Variants in GFI1 observed in about 807,000 individuals in gnomAD.
The protein encoded by GFI1 is growth factor independent 1 transcriptional repressor.
A neutral mutation model predicts 39.2 loss-of-function variants in GFI1; 15 were observed. The observed-to-expected ratio is 0.38, with a 90% CI of 0.26 to 0.59. GFI1 has a LOEUF of 0.59. Ranked by LOEUF, GFI1 falls within the 20% of genes least tolerant of loss-of-function variation. GFI1 has a pLI of 0.62. For missense variants in GFI1, 475 were observed against 574.0 expected, an observed-to-expected ratio of 0.83 and a Z score of 1.76; for synonymous variants, 239 against 254.3, an observed-to-expected ratio of 0.94 and a Z score of 0.57.
In GFI1 at chr1:92,482,807, C is replaced by G. The variant is rs778381648; in HGVS notation, c.298+57G>C. 1.1e-5 allele frequency: 15 copies of G among 1,397,268 alleles called. No homozygotes were observed. The Admixed American group carries it at 1.9e-4, about 17-fold the overall frequency. The allele number at this position is 1,397,268 out of a possible 1,614,324, so 86.6% of individuals were successfully genotyped here. A position where few individuals can be genotyped will look rare whatever the true frequency, so the allele number is the denominator to read the frequency against. On this transcript the variant is annotated intron_variant, in intron 3 of 6. Coordinates refer to ENST00000294702, the MANE Select transcript of GFI1 (RefSeq NM_005263.5). This position sits in a 1 kb window ranked among gnomAD's most constrained non-coding sequence, Gnocchi z 4.4. The stretch of plus-strand genomic sequence containing the variant: ...ACGCCCAAGGTCGCGCCAATTCCCC[C>G]CCAGCACTGCCGGGTCCCTGCAGCT...
Position 92,473,701 on chromosome 1 carries a change from T to C in GFI1, c.*2328A>G, listed in dbSNP as rs1164232906. On this transcript the variant is annotated 3_prime_UTR_variant, in exon 7 of 7. Transcript: ENST00000294702. The stretch of plus-strand genomic sequence containing the variant: ...AGAAAGTCGTGTGGATTCTATTTGT[T>C]TCCCAGGCTGTCAAGCAATCTCTCT... Among the ~76,000 whole-genome samples, 1 of 152,162 alleles carries C rather than the reference T, an allele frequency of 6.6e-6. No homozygotes were observed. Among genetic ancestry groups the C allele is most frequent in the Middle Eastern group, 3.2e-3 (1 of 316 alleles).
Position 92,481,279 on chromosome 1 carries a change from A to G in GFI1, c.299-191T>C, listed in dbSNP as rs77096733. On this transcript the variant is annotated intron_variant, in intron 3 of 6. Transcript: ENST00000294702. The surrounding 1 kb of genome is among the most constrained non-coding windows in gnomAD (Gnocchi z 4.3). ...GGGCCCTGGGGCCTCGCAGGCCACT[A>G]TAGGAGGCAGAACAGTAAACAGATC... Among the ~76,000 whole-genome samples, 6,147 of 152,244 alleles carry G rather than the reference A, an allele frequency of 0.04. 370 individuals are homozygous for G. The highest frequency in any genetic ancestry group is 0.13 in the African/African-American group (5,322 of 41,528).
chr1:92,482,531 ACAGT>A lies in GFI1; in HGVS notation c.298+329_298+332del, dbSNP rs369689980. On this transcript the variant is annotated intron_variant, in intron 3 of 6. Coordinates refer to ENST00000294702, the MANE Select transcript of GFI1 (RefSeq NM_005263.5). This position sits in a 1 kb window ranked among gnomAD's most constrained non-coding sequence, Gnocchi z 4.4. Reference sequence around the variant, plus strand: ...TTGCAGGATCCTAGCACTTTATAAAACAGTCAGGTCTGGTCAGAAAATGAAAGGT... The same window carrying A: ...TTGCAGGATCCTAGCACTTTATAAAACAGGTCTGGTCAGAAAATGAAAGGT... 2.7e-3 allele frequency among the ~76,000 whole-genome samples: 418 copies of A among 152,204 alleles called. 3 individuals carry two copies. Among genetic ancestry groups the A allele is most frequent in the African/African-American group, 9.8e-3 (408 of 41,522 alleles).
At chr1:92,483,344 G>T in intron 2 of GFI1, 29 bp downstream of exon 2, 1 of 1,277,772 alleles carries the variant, frequency 7.8e-7, no homozygotes, top group Non-Finnish European at 1.1e-6. Context: ...CGGGGGAGCA[G>T]CCCCGCCTGG....
chr1:92,481,457 AAGG>A lies in GFI1; in HGVS notation c.299-372_299-370del, dbSNP rs756032631. 1.1e-4 allele frequency among the ~76,000 whole-genome samples: 17 copies of A among 152,214 alleles called. No homozygotes were observed. Among genetic ancestry groups the A allele is most frequent in the Non-Finnish European group, 2.2e-4 (15 of 68,032 alleles). ...AAATGCCCGTAGTTGAGCTGTTAAG[AAGG>A]AGAAGGTGGCGGCCGTTCGGCCCCT... is the stretch of plus-strand genomic sequence containing the variant. On this transcript the variant is annotated intron_variant, in intron 3 of 6. Transcript: ENST00000294702. This position sits in a 1 kb window ranked among gnomAD's most constrained non-coding sequence, Gnocchi z 4.3.
rs1261626483 is a variant in GFI1 at position 92,480,977 on chromosome 1, T to C, written c.410A>G (p.Gln137Arg). ...LAGSDLRHLV[Q>R]SYRPCGALER... ...CAGGGCCCCACACGGTCGGTAGCTC[T>C]GCACCAGGTGCCGCAGGTCAGAACC... The change falls in exon 4 of 7, where the codon CAG (glutamine) becomes CGG (arginine). Residue 137 changes from glutamine (Q) to arginine (R), a missense_variant. Coordinates refer to ENST00000294702, the MANE Select transcript of GFI1 (RefSeq NM_005263.5). The surrounding 1 kb of genome is among the most constrained non-coding windows in gnomAD (Gnocchi z 5.6). The C allele has an allele frequency of 2.5e-6, 4 of 1,604,386 alleles. No individual in the cohort carries two copies. In the Admixed American group the frequency reaches 6.8e-5, roughly 27 times the overall value.
Position 92,480,200 on chromosome 1 carries a change from G to A in GFI1, c.924+148C>T. 1 of 900,738 alleles carries A rather than the reference G, an allele frequency of 1.1e-6. No homozygotes were observed. Among genetic ancestry groups the A allele is most frequent in the Admixed American group, 2.1e-5 (1 of 48,104 alleles). 55.8% of individuals were successfully genotyped at this position (900,738 alleles called of 1,614,324 possible). A position where few individuals can be genotyped will look rare whatever the true frequency, so the allele number is the denominator to read the frequency against. ...CTCCTTTCCCTACACACCTGCACCA[G>A]GGCAAGGGGACGCAGCGGAGGGCTT... On this transcript the variant is annotated intron_variant, in intron 5 of 6. Transcript: ENST00000294702. The surrounding 1 kb of genome is among the most constrained non-coding windows in gnomAD (Gnocchi z 5.6).
rs140253200 is a variant in GFI1 at position 92,473,814 on chromosome 1, T to G, written c.*2215A>C. Among the ~76,000 whole-genome samples, 814 of 152,320 alleles carry G rather than the reference T, an allele frequency of 5.3e-3. 4 individuals carry two copies. Among genetic ancestry groups the G allele is most frequent in the African/African-American group, 0.018 (762 of 41,564 alleles). ...TATTCACTTAACATCTCAGTAAATA[T>G]TTATTAATCTCCTACTGTGTGCCAG... On this transcript the variant is annotated 3_prime_UTR_variant, in exon 7 of 7. Coordinates refer to ENST00000294702, the MANE Select transcript of GFI1 (RefSeq NM_005263.5).
Position 92,486,891 on chromosome 1 carries a change from G to T in GFI1, c.-265C>A, listed in dbSNP as rs1490039785. On this transcript the variant is annotated 5_prime_UTR_variant, in exon 1 of 7. Transcript: ENST00000294702. ...GGCGCACCCTCCCTGCGCGGAGCTC[G>T]CCGGCTCTCGACCGGGTCCGCTCAG... 1 of 152,068 alleles carries T rather than the reference G, an allele frequency of 6.6e-6. No homozygotes were observed. Among genetic ancestry groups the T allele is most frequent in the African/African-American group, 2.4e-5 (1 of 41,422 alleles). The allele number at this position is 152,068 out of a possible 1,614,324, so 9.4% of individuals were successfully genotyped here.
In GFI1 at chr1:92,482,454, C is replaced by G. The variant is rs1329055793; in HGVS notation, c.298+410G>C. Among the ~76,000 whole-genome samples, 1 of 152,234 alleles carries G rather than the reference C, an allele frequency of 6.6e-6. No homozygotes were observed. Among genetic ancestry groups the G allele is most frequent in the African/African-American group, 2.4e-5 (1 of 41,464 alleles). On this transcript the variant is annotated intron_variant, in intron 3 of 6. Coordinates refer to ENST00000294702, the MANE Select transcript of GFI1 (RefSeq NM_005263.5). This position sits in a 1 kb window ranked among gnomAD's most constrained non-coding sequence, Gnocchi z 4.4. ...CTCCCTGCCGCCCAGCGCCTAGCTC[C>G]TCTGCCTGGCCCGTTCTGCCCTGTT...
rs1292837987 is a variant in GFI1 at position 92,482,466 on chromosome 1, C to T, written c.298+398G>A. Among the ~76,000 whole-genome samples, 2 of 152,214 alleles carry T rather than the reference C, an allele frequency of 1.3e-5. No homozygotes were observed. The highest frequency in any genetic ancestry group is 2.9e-5 in the Non-Finnish European group (2 of 68,048). ...CAGCGCCTAGCTCCTCTGCCTGGCC[C>T]GTTCTGCCCTGTTCTCTGTTTGAGG... On this transcript the variant is annotated intron_variant, in intron 3 of 6. Coordinates refer to ENST00000294702, the MANE Select transcript of GFI1 (RefSeq NM_005263.5). The surrounding 1 kb of genome is among the most constrained non-coding windows in gnomAD (Gnocchi z 4.4).
chr1:92,486,625 G>C (rs1288615408), intron 1 of GFI1, 101 bp downstream of exon 1: 2 of 143,252 alleles, frequency 1.4e-5, no homozygotes, highest in Non-Finnish European at 3.0e-5. Flanking sequence ...AGCCCGGCGA[G>C]TGGCCACGGC....
intron 6 of GFI1, among the ~76,000 whole-genome samples, chr1:92,477,925 G>A (rs566255088): frequency 6.6e-6 from 1 of 152,250 alleles, no homozygotes; most frequent in Admixed American, 6.5e-5. Flanking sequence ...ACATTTGAGA[G>A]GTCAGACCTG....
At chr1:92,476,503 C>T (rs975165963) in intron 6 of GFI1, among the ~76,000 whole-genome samples, 2 of 152,198 alleles carry the variant, frequency 1.3e-5, no homozygotes, top group Non-Finnish European at 2.9e-5. Flanking sequence ...GTGCCCTCCC[C>T]AGCTGAATCT....
In GFI1 at chr1:92,476,178, C is replaced by T. The variant is rs367740686; in HGVS notation, c.1120G>A (p.Gly374Ser). The T allele has an allele frequency of 2.4e-5, 38 of 1,613,482 alleles. No homozygotes were observed. Among genetic ancestry groups the T allele is most frequent in the Admixed American group, 3.3e-5 (2 of 59,884 alleles). ...GEKPHKCQVCGKAFSQSSNLI... is the reference protein window; with the variant it reads ...GEKPHKCQVCSKAFSQSSNLI... Reference sequence around the variant, plus strand: ...TTGGAGCTCTGGCTGAATGCCTTGCCGCACACCTGGCACTTGTGAGGCTTC... The same window carrying T: ...TTGGAGCTCTGGCTGAATGCCTTGCTGCACACCTGGCACTTGTGAGGCTTC... The change falls in exon 7 of 7, where the codon GGC (glycine) becomes AGC (serine). Residue 374 changes from glycine (G) to serine (S), a missense_variant. By Grantham distance (56) the Gly-to-Ser change is moderately conservative. Coordinates refer to ENST00000294702, the MANE Select transcript of GFI1 (RefSeq NM_005263.5).
intron 6 of GFI1, among the ~76,000 whole-genome samples, 171 bp from the exon 7 acceptor site, chr1:92,476,378 C>T (rs1216598160): frequency 1.3e-5 from 2 of 152,266 alleles, no homozygotes; most frequent in East Asian, 1.9e-4. Context: ...GCCTGCAATG[C>T]GAGTCCCTGG....
intron 1 of GFI1, among the ~76,000 whole-genome samples, chr1:92,485,587 G>A (rs978359908): frequency 1.3e-5 from 2 of 152,148 alleles, no homozygotes; most frequent in East Asian, 3.9e-4. Flanking sequence ...CGGGGCCTGG[G>A]CCGAGCGCGT....
At chr1:92,486,531 C>CCA (rs1193231236) in intron 1 of GFI1, among the ~76,000 whole-genome samples, 195 bp downstream of exon 1, 2 of 147,178 alleles carry the variant, frequency 1.4e-5, no homozygotes, top group South Asian at 2.2e-4. Flanking sequence ...CCGCCCCCCC[C>CCA]ACCCCCGACC....
rs1167969501 is a variant in GFI1 at position 92,481,750 on chromosome 1, C to T, written c.299-662G>A. ...CTTAAATTGACAGCCAAATACTCCC[C>T]ATTCCTGTTACAGTTTGATGGAGGC... On this transcript the variant is annotated intron_variant, in intron 3 of 6. Transcript: ENST00000294702. This position sits in a 1 kb window ranked among gnomAD's most constrained non-coding sequence, Gnocchi z 4.3. Among the ~76,000 whole-genome samples the T allele has an allele frequency of 1.3e-5, 2 of 152,156 alleles. No individual in the cohort carries two copies. The highest frequency in any genetic ancestry group is 4.8e-5 in the African/African-American group (2 of 41,430).
Sources: allele counts gnomAD v4.1 joint callset (sites outside exome capture counted in the v4.1 genomes callset), GRCh38; gene constraint gnomAD v4.1.1; non-coding constraint Gnocchi (gnomAD v3.1); transcripts MANE v1.5; gene names NCBI Gene and HGNC (gene_info 2026-07-23, HGNC 2026-07-21).